SOX5: variants seen among roughly 807,000 people sequenced by gnomAD.
The protein encoded by SOX5 is transcription factor SOX-5.
A neutral mutation model predicts 92.0 loss-of-function variants in SOX5; 9 were observed. The observed-to-expected ratio is 0.10, with a 90% CI of 0.06 to 0.17. The LOEUF is 0.17. Among genes scored for constraint, SOX5 ranks in the 10% least tolerant of loss-of-function variants. SOX5 has a pLI of 1.00. For missense variants in SOX5, 642 were observed against 944.5 expected (o/e 0.68, Z 4.20); for synonymous variants, 344 against 336.3 (o/e 1.02, Z -0.25).
chr12:24,497,885 C>A lies in SOX5; in HGVS notation c.-251+64444G>T, dbSNP rs147191559. ...TATGCAGCCATAAAAAGAATGAGAT[C>A]ATATCCTCTGCAGGGACATGGATGG... is the stretch of plus-strand genomic sequence containing the variant. On this transcript the variant is annotated intron_variant, in intron 1 of 4. Transcript: ENST00000446891. 4.5e-3 allele frequency among the ~76,000 whole-genome samples: 680 copies of A among 152,280 alleles called. 4 individuals carry two copies. The highest frequency in any genetic ancestry group is 0.015 in the African/African-American group (639 of 41,544).
intron 11 of SOX5, among the ~76,000 whole-genome samples, chr12:23,558,622 G>C (rs1481250450): frequency 7.5e-6 from 1 of 133,072 alleles, no homozygotes; most frequent in Non-Finnish European, 1.7e-5. Context: ...ATTTTTTTGA[G>C]ACGGAGTTCC....
At chr12:24,079,274 G>T (rs949316381) in intron 4 of SOX5, among the ~76,000 whole-genome samples, 1 of 151,542 alleles carries the variant, frequency 6.6e-6, no homozygotes, top group South Asian at 2.1e-4. Context: ...CAGGTTAAAT[G>T]ACTTGCCCAA....
chr12:24,301,610 T>A (rs890978003), intron 2 of SOX5, among the ~76,000 whole-genome samples: 1 of 152,228 alleles, frequency 6.6e-6, no homozygotes, highest in Non-Finnish European at 1.5e-5. Context: ...GAGATGAATA[T>A]TTTGAATTAT....
intron 2 of SOX5, among the ~76,000 whole-genome samples, chr12:23,868,082 T>C (rs1033860198): frequency 1.3e-5 from 2 of 151,380 alleles, no homozygotes; most frequent in African/African-American, 4.8e-5. Context: ...ACTCCCTCTC[T>C]CCCTCCTTCC....
Position 24,123,662 on chromosome 12 carries a change from T to C in SOX5, c.-2+89681A>G, listed in dbSNP as rs1948834480. ...AAGCAATATAAATTACAATAAGATATACACCTTTCTTCTTATTCCTTGTCC... is the reference window on the plus strand; with the variant it reads ...AAGCAATATAAATTACAATAAGATACACACCTTTCTTCTTATTCCTTGTCC... On this transcript the variant is annotated intron_variant, in intron 4 of 4. Coordinates refer to the SOX5 transcript ENST00000446891. Among the ~76,000 whole-genome samples, 3 of 152,218 alleles carry C rather than the reference T, an allele frequency of 2.0e-5. No individual in the cohort carries two copies. The South Asian group carries it at 6.2e-4, about 32-fold the overall frequency.
At chr12:24,027,210 C>G (rs1954980443) in intron 4 of SOX5, among the ~76,000 whole-genome samples, 1 of 152,076 alleles carries the variant, frequency 6.6e-6, no homozygotes, top group East Asian at 1.9e-4. Flanking sequence ...TTTTGAACTC[C>G]TCATGACTCA....
intron 8 of SOX5, among the ~76,000 whole-genome samples, chr12:23,628,345 C>T (rs1182401538): frequency 1.3e-5 from 2 of 152,020 alleles, no homozygotes; most frequent in Admixed American, 6.6e-5. Context: ...GGAATTGTCT[C>T]TGTTACCTTA....
At chr12:24,421,141 C>A (rs1965846068) in intron 1 of SOX5, among the ~76,000 whole-genome samples, 2 of 152,088 alleles carry the variant, frequency 1.3e-5, no homozygotes, top group African/African-American at 4.8e-5. Flanking sequence ...GGTGAAAGTT[C>A]AGATATTATT....
chr12:23,912,248 ATGCTCAACAGCATTAGT>A (rs1185190523), intron 1 of SOX5, among the ~76,000 whole-genome samples: 1 of 152,208 alleles, frequency 6.6e-6, no homozygotes, highest in Admixed American at 6.5e-5. Context: ...ACATAAGAAG[ATGCTCAACAGCATTAGT>A]TATCAAGGAA....
intron 4 of SOX5, among the ~76,000 whole-genome samples, chr12:23,957,825 T>C (rs1159004270): frequency 1.3e-5 from 2 of 152,176 alleles, no homozygotes; most frequent in South Asian, 4.1e-4. Context: ...AATCTTAAAT[T>C]TATACCCGTA....
At chr12:23,662,142 T>TAC (rs139260735) in intron 7 of SOX5, among the ~76,000 whole-genome samples, 3,873 of 152,082 alleles carry the variant, frequency 0.025, 91 homozygotes, top group Non-Finnish European at 0.043. Context: ...ATTATATATA[T>TAC]ACACACACAC....
At chr12:23,994,844 G>C (rs1950887559) in intron 4 of SOX5, among the ~76,000 whole-genome samples, 1 of 152,112 alleles carries the variant, frequency 6.6e-6, no homozygotes, top group East Asian at 1.9e-4. Context: ...TGTGCTATTG[G>C]TCTAACGTGA....
intron 4 of SOX5, among the ~76,000 whole-genome samples, chr12:23,979,667 T>C (rs970991271): frequency 1.3e-4 from 19 of 147,910 alleles, no homozygotes; most frequent in Non-Finnish European, 2.7e-4. Flanking sequence ...TCGTTTCTCA[T>C]TTTCTTTCTT....
intron 1 of SOX5, among the ~76,000 whole-genome samples, chr12:23,935,395 A>G (rs1942319000): frequency 6.6e-6 from 1 of 151,316 alleles, no homozygotes; most frequent in Non-Finnish European, 1.5e-5. Context: ...CTATACTGTA[A>G]AGAGGCTTTC....
intron 4 of SOX5, among the ~76,000 whole-genome samples, chr12:24,198,117 A>C (rs541867840): frequency 1.8e-4 from 28 of 152,324 alleles, no homozygotes; most frequent in South Asian, 1.4e-3. Context: ...TACTCACACT[A>C]TAAGAGAGCA....
At chr12:23,827,920 C>A (rs1019837798) in intron 3 of SOX5, among the ~76,000 whole-genome samples, 5 of 152,094 alleles carry the variant, frequency 3.3e-5, no homozygotes, top group African/African-American at 1.2e-4. Flanking sequence ...CAGAAATTTG[C>A]TGAACTATAA....
intron 6 of SOX5, among the ~76,000 whole-genome samples, chr12:23,724,105 C>A (rs901432486): frequency 2.6e-5 from 4 of 152,070 alleles, no homozygotes; most frequent in Non-Finnish European, 4.4e-5. Flanking sequence ...AAAAAAATAT[C>A]CTGCCACATT....
intron 9 of SOX5, among the ~76,000 whole-genome samples, chr12:23,583,515 A>T (rs1055534629): frequency 1.3e-5 from 2 of 152,128 alleles, no homozygotes; most frequent in Non-Finnish European, 2.9e-5. Context: ...TTCCAATTCA[A>T]CTTTGTTTAA....
chr12:24,201,726 A>G (rs759300249), intron 4 of SOX5, among the ~76,000 whole-genome samples: 2 of 152,166 alleles, frequency 1.3e-5, no homozygotes, highest in Admixed American at 1.3e-4. Flanking sequence ...CACTGGCACC[A>G]TCAAGCTTTG....
Sources: gnomAD v4.1 joint callset for allele counts (sites outside exome capture counted in the v4.1 genomes callset) on GRCh38, gnomAD v4.1.1 for gene constraint, MANE v1.5 for transcripts, NCBI Gene and HGNC (gene_info 2026-07-23, HGNC 2026-07-21) for gene names.